Variants in SORBS2 observed in about 807,000 individuals in gnomAD.
SORBS2 encodes the protein sorbin and SH3 domain-containing protein 2.
In SORBS2, 46 loss-of-function variants were observed where a neutral mutation model predicts 97.7. The observed-to-expected ratio is 0.47, with a 90% CI of 0.37 to 0.60. SORBS2 has a LOEUF of 0.60. SORBS2 is among the 20% of genes least tolerant of loss of function. SORBS2 has a pLI of 0.00. For missense variants in SORBS2, 1,316 were observed against 1,282.3 expected (o/e 1.03, Z -0.40); for synonymous variants, 476 against 473.4 (o/e 1.01, Z -0.07).
intron 1 of SORBS2, among the ~76,000 whole-genome samples, chr4:185,953,495 G>A (rs1477783551): frequency 6.6e-6 from 1 of 152,152 alleles, no homozygotes; most frequent in Non-Finnish European, 1.5e-5. Context: ...GGACACCAAG[G>A]TGGGACCCTG....
At position 185,868,705 on chromosome 4, in the gene SORBS2, GC is replaced by G. The variant is rs200957585; in HGVS notation, c.-338+87490del. 4.7e-3 allele frequency among the ~76,000 whole-genome samples: 711 copies of G among 152,262 alleles called. 7 individuals are homozygous for G. The highest frequency in any genetic ancestry group is 0.016 in the African/African-American group (655 of 41,546). On this transcript the variant is annotated intron_variant, in intron 1 of 20. Transcript: ENST00000284776. Reference sequence around the variant, plus strand: ...AGCCTGTTTAGGGGAATAGAGAAAAGCTAAAGGTGTTCGGCAAAACAGTGAC... The same window carrying G: ...AGCCTGTTTAGGGGAATAGAGAAAAGTAAAGGTGTTCGGCAAAACAGTGAC...
chr4:185,918,520 G>A (rs2099259409), intron 1 of SORBS2: 1 of 152,128 alleles, frequency 6.6e-6, no homozygotes, highest in Non-Finnish European at 1.5e-5. Context: ...GCTTCAAGTT[G>A]AGTTGGCCAA....
intron 11 of SORBS2, among the ~76,000 whole-genome samples, chr4:185,613,445 C>G (rs1248293749): frequency 1.3e-5 from 2 of 151,950 alleles, no homozygotes; most frequent in African/African-American, 2.4e-5. Flanking sequence ...GTCAGGAGTT[C>G]GAGACCAGCC....
At chr4:185,802,945 T>C (rs2099137415) in intron 1 of SORBS2, among the ~76,000 whole-genome samples, 1 of 152,228 alleles carries the variant, frequency 6.6e-6, no homozygotes, top group South Asian at 2.1e-4. Context: ...CGAGAGTGCA[T>C]GCAGATTTCT....
intron 1 of SORBS2, among the ~76,000 whole-genome samples, chr4:185,928,690 CG>C (rs1370687548): frequency 6.6e-6 from 1 of 152,034 alleles, no homozygotes; most frequent in Non-Finnish European, 1.5e-5. Context: ...GGACTACAGG[CG>C]CCTGCCACCA....
chr4:185,877,658 G>T (rs35092857), intron 1 of SORBS2, among the ~76,000 whole-genome samples: 19,573 of 151,920 alleles, frequency 0.13, 1,532 homozygotes, highest in Non-Finnish European at 0.18. Flanking sequence ...CCTGAGGTCA[G>T]GAGTTTGAGA....
intron 1 of SORBS2, among the ~76,000 whole-genome samples, chr4:185,850,753 T>C (rs963095798): frequency 2.6e-5 from 4 of 152,210 alleles, no homozygotes; most frequent in Admixed American, 2.6e-4. Context: ...GATGCCCAGA[T>C]AGCTGGTGAA....
intron 1 of SORBS2, among the ~76,000 whole-genome samples, chr4:185,884,753 C>G (rs1308457818): frequency 1.3e-5 from 2 of 152,204 alleles, no homozygotes; most frequent in Non-Finnish European, 2.9e-5. Flanking sequence ...TTCCAACACA[C>G]AGACTTATAT....
Position 185,733,257 on chromosome 4 carries a change from T to C in SORBS2, c.-198+41970A>G, listed in dbSNP as rs568440728. 5.3e-5 allele frequency among the ~76,000 whole-genome samples: 8 copies of C among 152,328 alleles called. No homozygotes were observed. In the South Asian group the frequency reaches 1.7e-3, roughly 32 times the overall value. ...GGGTAAGAGAGCTAAATAAATTTGCTTTTGGGGAGATAGATTTGGGTAAGT... is the reference window on the plus strand; with the variant it reads ...GGGTAAGAGAGCTAAATAAATTTGCCTTTGGGGAGATAGATTTGGGTAAGT... On this transcript the variant is annotated intron_variant, in intron 2 of 20. Transcript: ENST00000284776.
At chr4:185,872,302 G>A (rs145741155) in intron 1 of SORBS2, among the ~76,000 whole-genome samples, 17 of 152,264 alleles carry the variant, frequency 1.1e-4, no homozygotes, top group Admixed American at 9.8e-4. Context: ...TTATAGCTTT[G>A]AGGATCTAAT....
intron 1 of SORBS2, among the ~76,000 whole-genome samples, chr4:185,809,482 A>AAAAAAAAAAAAC (rs1561170208): frequency 6.8e-6 from 1 of 147,894 alleles, no homozygotes; most frequent in Non-Finnish European, 1.5e-5. Context: ...AAAAAAAAAA[A>AAAAAAAAAAAAC]TCTGATATAG....
At chr4:185,679,903 T>C (rs866399604) in intron 2 of SORBS2, among the ~76,000 whole-genome samples, 2 of 152,348 alleles carry the variant, frequency 1.3e-5, no homozygotes, top group South Asian at 4.1e-4. Context: ...GATTTTTAGA[T>C]AAAATATTTG....
chr4:185,813,510 G>T (rs1344799453), intron 1 of SORBS2, among the ~76,000 whole-genome samples: 2 of 152,198 alleles, frequency 1.3e-5, no homozygotes, highest in Non-Finnish European at 2.9e-5. Context: ...TCTCACTGAA[G>T]TTCCCTTCCC....
At chr4:185,862,604 C>T (rs968589515) in intron 1 of SORBS2, among the ~76,000 whole-genome samples, 1 of 152,234 alleles carries the variant, frequency 6.6e-6, no homozygotes, top group Admixed American at 6.5e-5. Flanking sequence ...TTACAAAACT[C>T]TTAGCTCACT....
intron 2 of SORBS2, among the ~76,000 whole-genome samples, chr4:185,651,469 G>C (rs1032998695): frequency 1.3e-5 from 2 of 152,170 alleles, no homozygotes; most frequent in Non-Finnish European, 2.9e-5. Flanking sequence ...GCTGATAAAA[G>C]ATCTTTATCT....
rs532231815 is a variant in SORBS2, at chr4:185,677,214, G to A, written c.-46+1209C>T. Reference sequence around the variant, plus strand: ...TGAGCGGGGCCTTTTGAGAAATGACGGTACTTCGACAGATTTGGAGAACTG... The same window carrying A: ...TGAGCGGGGCCTTTTGAGAAATGACAGTACTTCGACAGATTTGGAGAACTG... On this transcript the variant is annotated intron_variant, in intron 4 of 20. Transcript: ENST00000284776. 353 of 1,551,564 alleles carry A rather than the reference G, an allele frequency of 2.3e-4. No individual in the cohort carries two copies. The African/African-American group carries it at 4.3e-3, about 19-fold the overall frequency.
intron 1 of SORBS2, among the ~76,000 whole-genome samples, chr4:185,841,059 C>T (rs187503691): frequency 8.9e-4 from 129 of 145,062 alleles, no homozygotes; most frequent in Non-Finnish European, 1.3e-3. Context: ...GTGGGTGAGA[C>T]GAAGCAAAGC....
At chr4:185,718,530 T>C (rs2153557675) in intron 2 of SORBS2, among the ~76,000 whole-genome samples, 1 of 152,350 alleles carries the variant, frequency 6.6e-6, no homozygotes, top group East Asian at 1.9e-4. Context: ...AAATCTGCTG[T>C]CTTGTTGGTT....
In SORBS2 at chr4:185,632,861, G is replaced by A. The variant is rs541338916; in HGVS notation, c.397-2263C>T. On this transcript the variant is annotated intron_variant, in intron 4 of 14. Transcript: ENST00000418609. ...CAAAATAAATGAAAACCAGTTTTGC[G>A]GTTTCATGTACACTCAGAGAAAGTT... Among the ~76,000 whole-genome samples the A allele has an allele frequency of 2.9e-4, 44 of 152,192 alleles. No homozygotes were observed. In the South Asian group the frequency reaches 2.9e-3, roughly 10 times the overall value.
Sources: gnomAD v4.1 joint callset for allele counts (sites outside exome capture counted in the v4.1 genomes callset) on GRCh38, gnomAD v4.1.1 for gene constraint, MANE v1.5 for transcripts, NCBI Gene and HGNC (gene_info 2026-07-23, HGNC 2026-07-21) for gene names.